PAPPA: variants seen among roughly 807,000 people sequenced by gnomAD.
PAPPA encodes the protein pappalysin-1.
In PAPPA, 60 loss-of-function variants were observed where a neutral mutation model predicts 164.0. The observed-to-expected ratio is 0.37, with a 90% CI of 0.30 to 0.45. The LOEUF is 0.45. PAPPA is among the 20% of genes least tolerant of loss of function. The pLI is 1.00. For missense variants in PAPPA, 1,782 were observed against 2,087.3 expected, an observed-to-expected ratio of 0.85 and a Z score of 2.85; for synonymous variants, 875 against 814.1, an observed-to-expected ratio of 1.07 and a Z score of -1.27.
At chr9:116,225,442 C>A (rs961366575) in intron 5 of PAPPA, among the ~76,000 whole-genome samples, 3 of 152,112 alleles carry the variant, frequency 2.0e-5, no homozygotes, top group Admixed American at 2.0e-4. Context: ...TCCTATATTC[C>A]ATTGCCCAGA....
chr9:116,345,523 C>G (rs1172826837), intron 14 of PAPPA, among the ~76,000 whole-genome samples: 1 of 151,600 alleles, frequency 6.6e-6, no homozygotes, highest in Non-Finnish European at 1.5e-5. Context: ...GCTGGAAGGG[C>G]CAGCTGAATC....
rs10817885 is a variant in PAPPA at position 116,400,788 on chromosome 9, T to C, written c.*4172T>C. 0.16 allele frequency: 24,343 copies of C among 152,576 alleles called. 2,313 individuals are homozygous for C. The highest frequency in any genetic ancestry group is 0.25 in the Middle Eastern group (73 of 294). The allele number at this position is 152,576 out of a possible 1,614,324, so 9.5% of individuals were successfully genotyped here. ...CTTGCTTTTTAAAAGAAATGTATAA[T>C]AGCCAAAAGAGAAATTATGTCCCTG... On this transcript the variant is annotated 3_prime_UTR_variant, in exon 22 of 22. Transcript: ENST00000328252.
At chr9:116,374,182 A>C (rs11789534) in intron 19 of PAPPA, among the ~76,000 whole-genome samples, 1 of 115,390 alleles carries the variant, frequency 8.7e-6, no homozygotes, top group Non-Finnish European at 1.9e-5. Flanking sequence ...GATGATGATG[A>C]TGGTGGTGAT....
intron 2 of PAPPA, among the ~76,000 whole-genome samples, chr9:116,204,896 G>GA (rs113703505): frequency 0.014 from 2,065 of 145,728 alleles, 20 homozygotes; most frequent in Non-Finnish European, 0.019. Flanking sequence ...TGACAAAAGT[G>GA]AAAAAAAAAA....
At chr9:116,388,896 G>T (rs1451324899) in intron 21 of PAPPA, among the ~76,000 whole-genome samples, 2 of 152,186 alleles carry the variant, frequency 1.3e-5, no homozygotes, top group Non-Finnish European at 2.9e-5. Flanking sequence ...CTACCTAAAT[G>T]AGAACATGGT....
At chr9:116,218,636 T>C (rs924845654) in intron 4 of PAPPA, among the ~76,000 whole-genome samples, 1 of 152,300 alleles carries the variant, frequency 6.6e-6, no homozygotes, top group African/African-American at 2.4e-5. Flanking sequence ...TAAAGACACC[T>C]GAGAGATTGT....
chr9:116,257,122 A>C (rs1334362611), intron 7 of PAPPA, among the ~76,000 whole-genome samples: 1 of 152,054 alleles, frequency 6.6e-6, no homozygotes, highest in Non-Finnish European at 1.5e-5. Context: ...ATTTGCCAAC[A>C]GAATTCAGCA....
At chr9:116,376,222 T>C (rs1421101305) in intron 19 of PAPPA, among the ~76,000 whole-genome samples, 1 of 152,114 alleles carries the variant, frequency 6.6e-6, no homozygotes, top group Admixed American at 6.6e-5. Context: ...GGTTTCACCA[T>C]GTTGGCCAGG....
At chr9:116,306,944 C>A (rs966730231) in intron 10 of PAPPA, among the ~76,000 whole-genome samples, 3 of 152,200 alleles carry the variant, frequency 2.0e-5, no homozygotes, top group African/African-American at 7.2e-5. Context: ...CTTCAGTCAA[C>A]CAACCAATTT....
chr9:116,248,168 T>A (rs1312316563), intron 7 of PAPPA, among the ~76,000 whole-genome samples: 3 of 152,242 alleles, frequency 2.0e-5, no homozygotes, highest in African/African-American at 7.2e-5. Context: ...TACCAGGAGT[T>A]GCTATGCTTC....
At chr9:116,263,753 T>C (rs1280210806) in intron 7 of PAPPA, among the ~76,000 whole-genome samples, 1 of 152,144 alleles carries the variant, frequency 6.6e-6, no homozygotes, top group Non-Finnish European at 1.5e-5. Context: ...TTTTCTTGTC[T>C]CTGTGTTGAT....
At chr9:116,211,410 A>C (rs1446921317) in intron 3 of PAPPA, among the ~76,000 whole-genome samples, 2 of 152,184 alleles carry the variant, frequency 1.3e-5, no homozygotes, top group African/African-American at 4.8e-5. Context: ...TGGCGTTTTC[A>C]TATGAAAAAT....
At chr9:116,268,169 G>C (rs918430451) in intron 8 of PAPPA, among the ~76,000 whole-genome samples, 2 of 152,132 alleles carry the variant, frequency 1.3e-5, no homozygotes, top group African/African-American at 4.8e-5. Flanking sequence ...CCAAGAATTT[G>C]ACTCCTCAAG....
At chr9:116,253,451 C>A (rs1000045827) in intron 7 of PAPPA, among the ~76,000 whole-genome samples, 11 of 152,020 alleles carry the variant, frequency 7.2e-5, no homozygotes, top group African/African-American at 2.7e-4. Context: ...ACTAATAAAA[C>A]AGTAGCCATT....
intron 8 of PAPPA, among the ~76,000 whole-genome samples, chr9:116,267,707 A>G (rs1456748773): frequency 2.0e-5 from 3 of 151,860 alleles, no homozygotes; most frequent in Non-Finnish European, 4.4e-5. Context: ...CCCCGTCTCT[A>G]CTAAAAAAAT....
chr9:116,361,938 T>G (rs917036655), intron 17 of PAPPA, among the ~76,000 whole-genome samples: 3 of 152,150 alleles, frequency 2.0e-5, no homozygotes, highest in East Asian at 3.9e-4. Context: ...GAAACTATAA[T>G]TCCCTATTTT....
intron 9 of PAPPA, among the ~76,000 whole-genome samples, chr9:116,285,171 C>CTTTCTTT (rs1186068742): frequency 5.6e-5 from 5 of 89,484 alleles, no homozygotes; most frequent in African/African-American, 2.3e-4. Flanking sequence ...TTCTTTCTTT[C>CTTTCTTT]TTTTTTTTTT....
At chr9:116,286,156 G>A (rs1009355395) in intron 9 of PAPPA, 1 of 152,114 alleles carries the variant, frequency 6.6e-6, no homozygotes, top group Non-Finnish European at 1.5e-5. Flanking sequence ...AAGTAGAGAC[G>A]GGCTCAAATG....
intron 2 of PAPPA, among the ~76,000 whole-genome samples, chr9:116,200,623 AT>A (rs1349123177): frequency 6.6e-6 from 1 of 152,200 alleles, no homozygotes; most frequent in Admixed American, 6.5e-5. Flanking sequence ...ATGTTATCAT[AT>A]TATGTTGTGA....
Sources: gnomAD v4.1 joint callset for allele counts (sites outside exome capture counted in the v4.1 genomes callset) on GRCh38, gnomAD v4.1.1 for gene constraint, MANE v1.5 for transcripts, NCBI Gene and HGNC (gene_info 2026-07-23, HGNC 2026-07-21) for gene names.